PRR14L: variants seen among roughly 807,000 people sequenced by gnomAD.
PRR14L encodes the protein protein PRR14L.
PRR14L carries 80 observed loss-of-function variants against 155.0 expected under a neutral mutation model. The ratio of observed to expected loss-of-function variants is 0.52; its 90% CI spans 0.43 to 0.62. The LOEUF (loss-of-function observed/expected upper bound fraction) is 0.62. PRR14L is among the 20% of genes least tolerant of loss of function. The pLI is 0.00. For missense variants in PRR14L, 2,469 were observed against 2,548.0 expected (o/e 0.97, Z 0.67); for synonymous variants, 883 against 916.0 (o/e 0.96, Z 0.65).
chr22:31,704,878 G>A, intron 4 of PRR14L, 152 bp from the exon 5 acceptor site: 1 of 579,694 alleles, frequency 1.7e-6, no homozygotes, highest in South Asian at 2.1e-5. Context: ...AACCAGGAGA[G>A]TTATATTTAT....
intron 3 of PRR14L, among the ~76,000 whole-genome samples, chr22:31,723,054 T>C (rs893291751): frequency 3.3e-5 from 5 of 152,086 alleles, no homozygotes; most frequent in Non-Finnish European, 5.9e-5. Context: ...GGCTATGACT[T>C]TGGACAGCTG....
intron 6 of PRR14L, among the ~76,000 whole-genome samples, chr22:31,702,481 A>C (rs1428914922): frequency 6.6e-6 from 1 of 152,100 alleles, no homozygotes; most frequent in African/African-American, 2.4e-5. Flanking sequence ...TCGGCCACCC[A>C]AAGTGCTAGG....
At chr22:31,717,768 T>C (rs2074668155) in intron 3 of PRR14L, among the ~76,000 whole-genome samples, 1 of 152,122 alleles carries the variant, frequency 6.6e-6, no homozygotes. Flanking sequence ...TATTTACCTA[T>C]TTATTTTTTT....
rs1048019743 is a variant in PRR14L at position 31,720,606 on chromosome 22, G to C, written c.548-3315C>G. 2.0e-5 allele frequency among the ~76,000 whole-genome samples: 3 copies of C among 152,100 alleles called. No homozygotes were observed. The East Asian group carries it at 5.8e-4, about 29-fold the overall frequency. The stretch of plus-strand genomic sequence containing the variant: ...AAAAATCAGCCGTGCACGGTGGCAG[G>C]CACCTGTAATCCCAGCTACTTGGGA... On this transcript the variant is annotated intron_variant, in intron 3 of 8. Transcript: ENST00000327423.
intron 2 of PRR14L, among the ~76,000 whole-genome samples, chr22:31,731,394 C>T (rs2074748720): frequency 1.3e-5 from 2 of 151,814 alleles, no homozygotes; most frequent in Admixed American, 6.6e-5. Context: ...GAAACCCCGT[C>T]TCTACTAAAA....
chr22:31,713,625 T>C lies in PRR14L; in HGVS notation c.4214A>G (p.Tyr1405Cys), dbSNP rs544317231. Residue 1405 changes from tyrosine to cysteine, a missense_variant, in exon 4 of 9, where the codon TAT becomes TGT. By Grantham distance (194) the Tyr-to-Cys change is radical (BLOSUM62 -2). This residue lies in a region of PRR14L where 2,363 missense variants were observed against 2,371.6 expected (regional missense o/e 1.00). Transcript: ENST00000327423. ...LDYMLQKEEK[Y>C]IRQQKAHTIS... ...CGTATGTGCTTTTTGTTGACGTATA[T>C]ATTTCTCTTCTTTCTGCAACATGTA... 1.7e-5 allele frequency: 27 copies of C among 1,551,970 alleles called. No individual in the cohort carries two copies. In the African/African-American group the frequency reaches 2.6e-4, roughly 15 times the overall value.
At position 31,735,368 on chromosome 22, in the gene PRR14L, G is replaced by A. The variant is rs796948879; in HGVS notation, c.474+3019C>T. Among the ~76,000 whole-genome samples the A allele has an allele frequency of 3.2e-3, 479 of 150,956 alleles. 2 individuals carry two copies. The highest frequency in any genetic ancestry group is 0.011 in the African/African-American group (446 of 40,598). On this transcript the variant is annotated intron_variant, in intron 2 of 8. Coordinates refer to ENST00000327423, the MANE Select transcript of PRR14L (RefSeq NM_173566.3). ...AGGCAGGAGAATGGCATGAACCTGG[G>A]AGGTGGAGCTTGCAGTGAACTGAGA...
chr22:31,705,864 G>A (rs1473715050), intron 4 of PRR14L, among the ~76,000 whole-genome samples: 5 of 151,760 alleles, frequency 3.3e-5, no homozygotes, highest in African/African-American at 1.2e-4. Flanking sequence ...AGCTGGGTGT[G>A]GTGGTGGGTA....
At chr22:31,705,925 C>T (rs900599257) in intron 4 of PRR14L, among the ~76,000 whole-genome samples, 5 of 151,900 alleles carry the variant, frequency 3.3e-5, no homozygotes, top group African/African-American at 1.2e-4. Flanking sequence ...CGCTTGAACC[C>T]GGGAGGAGGA....
At chr22:31,749,716 T>C (rs1601522993) in intron 1 of PRR14L, among the ~76,000 whole-genome samples, 1 of 152,120 alleles carries the variant, frequency 6.6e-6, no homozygotes, top group African/African-American at 2.4e-5. Context: ...GGAGATAAGT[T>C]GGGGGATCCC....
At chr22:31,736,258 T>A (rs2147874871) in intron 2 of PRR14L, among the ~76,000 whole-genome samples, 1 of 148,938 alleles carries the variant, frequency 6.7e-6, no homozygotes, top group East Asian at 2.0e-4. Context: ...TGGAGGCACA[T>A]GCCTGTAATC....
At chr22:31,688,424 TA>T (rs879721879) in intron 7 of PRR14L, among the ~76,000 whole-genome samples, 197 bp from the exon 8 acceptor site, 437 of 144,498 alleles carry the variant, frequency 3.0e-3, no homozygotes, top group Middle Eastern at 3.6e-3. Flanking sequence ...CAGGCTAGAT[TA>T]AAAAAAAAAA....
At position 31,738,388 on chromosome 22, in the gene PRR14L, T is replaced by C. The variant is rs2074794384; in HGVS notation, c.473A>G (p.Gln158Arg). Residue 158 changes from glutamine to arginine, a missense_variant and splice_region_variant, in exon 2 of 9, where the codon CAG (glutamine) becomes CGG (arginine). Gln to Arg is a conservative substitution (Grantham distance 43, BLOSUM62 1). Coordinates refer to ENST00000327423, the MANE Select transcript of PRR14L (RefSeq NM_173566.3). Reference sequence around the variant, plus strand: ...CGGAATGGAGATTTCATTTCTTACCTGACTCGGGCTAGTCTTTTCTTCAGC... The same window carrying C: ...CGGAATGGAGATTTCATTTCTTACCCGACTCGGGCTAGTCTTTTCTTCAGC... ...TAAEEKTSPSQEDLLMQSSKE... is the reference protein window; with the variant it reads ...TAAEEKTSPSREDLLMQSSKE... 2.6e-6 allele frequency: 4 copies of C among 1,550,354 alleles called. No individual in the cohort carries two copies. In the South Asian group the frequency reaches 4.8e-5, roughly 18 times the overall value.
chr22:31,714,399 T>C lies in PRR14L; in HGVS notation c.3440A>G (p.Lys1147Arg). The C allele has an allele frequency of 1.9e-6, 3 of 1,551,694 alleles. No homozygotes were observed. The highest frequency in any genetic ancestry group is 2.6e-6 in the Non-Finnish European group (3 of 1,146,994). Residue 1147 changes from lysine (K) to arginine (R), a missense_variant, in exon 4 of 9, where the codon AAG becomes AGG. By Grantham distance (26) the Lys-to-Arg change is conservative. Around this residue, in one of 2 missense-constraint regions of PRR14L, gnomAD observed 2,363 missense variants for 2,371.6 expected, o/e 1.00. Coordinates refer to ENST00000327423, the MANE Select transcript of PRR14L (RefSeq NM_173566.3). ...CTCATGGGCACAAGAGTCTGGACAC[T>C]TTTCCATTTCACAGTCTTTTAAAGA... ...CRSLKDCEME[K>R]CPDSCAHEME...
At chr22:31,731,899 A>G (rs993673264) in intron 2 of PRR14L, among the ~76,000 whole-genome samples, 1 of 152,188 alleles carries the variant, frequency 6.6e-6, no homozygotes, top group Non-Finnish European at 1.5e-5. Context: ...CATTTGTAAT[A>G]CAGTTAAGAC....
intron 3 of PRR14L, among the ~76,000 whole-genome samples, chr22:31,723,018 A>G (rs1043703972): frequency 6.6e-6 from 1 of 152,080 alleles, no homozygotes; most frequent in African/African-American, 2.4e-5. Flanking sequence ...TCTCCACAGA[A>G]TCTTCTTCTC....
intron 7 of PRR14L, among the ~76,000 whole-genome samples, chr22:31,693,040 C>T (rs747329973): frequency 8.5e-5 from 13 of 152,148 alleles, no homozygotes; most frequent in Non-Finnish European, 1.5e-4. Context: ...TACCCTCACA[C>T]ATGGACAGCC....
At position 31,738,372 on chromosome 22, in the gene PRR14L, G is replaced by T. The variant is rs372149320; in HGVS notation, c.474+15C>A. ...TTCACACTCAACTCTTCGGAATGGA[G>T]ATTTCATTTCTTACCTGACTCGGGC... On this transcript the variant is annotated intron_variant, in intron 2 of 8. Transcript: ENST00000327423. The T allele has an allele frequency of 6.5e-6, 10 of 1,543,474 alleles. No homozygotes were observed. The highest frequency in any genetic ancestry group is 8.8e-6 in the Non-Finnish European group (10 of 1,140,094).
chr22:31,702,943 G>A (rs774846191), intron 6 of PRR14L, among the ~76,000 whole-genome samples: 3 of 151,934 alleles, frequency 2.0e-5, no homozygotes, highest in Non-Finnish European at 4.4e-5. Context: ...AGCCTCCCGA[G>A]TAACTGGGAC....
Sources: allele counts gnomAD v4.1 joint callset (sites outside exome capture counted in the v4.1 genomes callset), GRCh38; gene constraint gnomAD v4.1.1; regional missense constraint gnomAD v4.1.1; transcripts MANE v1.5; gene names NCBI Gene and HGNC (gene_info 2026-07-23, HGNC 2026-07-21).